Variants in MPPED1 observed in about 807,000 individuals in gnomAD.
MPPED1 encodes metallophosphoesterase domain containing 1.
MPPED1 carries 16 observed loss-of-function variants against 36.2 expected under a neutral mutation model. The ratio of observed to expected loss-of-function variants is 0.44; its 90% CI spans 0.30 to 0.67. MPPED1 has a LOEUF of 0.67. Among genes scored for constraint, MPPED1 ranks in the 30% least tolerant of loss-of-function variants. The pLI is 0.10. For synonymous variants in MPPED1, 199 were observed against 191.3 expected (o/e 1.04, Z -0.33); for missense variants, 307 against 453.4 (o/e 0.68, Z 2.93).
At position 43,412,562 on chromosome 22, in the gene MPPED1, G is replaced by GA. The variant is rs1465642386; in HGVS notation, c.-79+404_-79+405insA. Among the ~76,000 whole-genome samples the GA allele has an allele frequency of 2.0e-4, 31 of 152,308 alleles. No individual in the cohort carries two copies. In the Middle Eastern group the frequency reaches 0.014, roughly 67 times the overall value. The stretch of plus-strand genomic sequence containing the variant: ...TGTGTGCGCTGCCAAGCCCCTGCTG[G>GA]CACTTGGGGGGGAAGAGATAGGGAA... On this transcript the variant is annotated intron_variant, in intron 1 of 6. Coordinates refer to ENST00000443721, the MANE Select transcript of MPPED1 (RefSeq NM_001044370.2).
chr22:43,455,514 C>G (rs1291563079), intron 3 of MPPED1, among the ~76,000 whole-genome samples: 1 of 152,152 alleles, frequency 6.6e-6, no homozygotes, highest in Non-Finnish European at 1.5e-5. Flanking sequence ...TAAATGCCAT[C>G]CCATTCTGAG....
chr22:43,453,600 G>A (rs544018435), intron 3 of MPPED1, among the ~76,000 whole-genome samples: 7 of 152,198 alleles, frequency 4.6e-5, no homozygotes, highest in Admixed American at 2.6e-4. Context: ...CTTTCATCCC[G>A]AAACCCCGTT....
chr22:43,445,754 G>C (rs1438159014), intron 3 of MPPED1, among the ~76,000 whole-genome samples: 2 of 151,278 alleles, frequency 1.3e-5, no homozygotes, highest in Non-Finnish European at 2.9e-5. Flanking sequence ...TATTTTTTTA[G>C]AGATGGGGTT....
At chr22:43,425,296 G>A in intron 2 of MPPED1, 87 bp downstream of exon 2, 1 of 1,455,034 alleles carries the variant, frequency 6.9e-7, no homozygotes, top group Middle Eastern at 2.6e-4. Flanking sequence ...GGTTCTGGGG[G>A]CACTGTAACA....
In MPPED1 at chr22:43,502,511, G is replaced by T; in HGVS notation, c.749-133G>T. 1.5e-6 allele frequency: 1 copy of T among 669,966 alleles called. No individual in the cohort carries two copies. The allele number at this position is 669,966 out of a possible 1,614,324, so 41.5% of individuals were successfully genotyped here. ...GGGCAGGGTTCCGGAGAGCTTGCTA[G>T]GGGAGAGTGGTGCAAAGCCGGAGTC... On this transcript the variant is annotated intron_variant, in intron 5 of 6. Coordinates refer to ENST00000443721, the MANE Select transcript of MPPED1 (RefSeq NM_001044370.2). This position sits in a 1 kb window ranked among gnomAD's most constrained non-coding sequence, Gnocchi z 5.5.
At chr22:43,461,056 A>C (rs1311446003) in intron 3 of MPPED1, among the ~76,000 whole-genome samples, 1 of 152,172 alleles carries the variant, frequency 6.6e-6, no homozygotes, top group Non-Finnish European at 1.5e-5. Flanking sequence ...GCAAGCTCTG[A>C]GTCAGGTCAA....
At chr22:43,472,770 T>G (rs1222775754) in intron 3 of MPPED1, among the ~76,000 whole-genome samples, 1 of 148,000 alleles carries the variant, frequency 6.8e-6, no homozygotes, top group East Asian at 1.9e-4. Flanking sequence ...CCTGGCCATT[T>G]GCCGTGGCCA....
chr22:43,452,022 C>CTT lies in MPPED1; in HGVS notation c.406+16819_406+16820dup, dbSNP rs543788616. On this transcript the variant is annotated intron_variant, in intron 3 of 6. Coordinates refer to ENST00000443721, the MANE Select transcript of MPPED1 (RefSeq NM_001044370.2). ...TCCCTATATTTTTCTTTTTTTCTTT[C>CTT]TTTTTTTTTTTTTGAAATGGAGTCT... 2.8e-3 allele frequency among the ~76,000 whole-genome samples: 404 copies of CTT among 144,618 alleles called. 4 individuals carry two copies. The highest frequency in any genetic ancestry group is 0.016 in the Admixed American group (239 of 14,506). 94.9% of individuals were successfully genotyped at this position (144,618 alleles called of 152,430 possible).
chr22:43,485,185 C>A (rs1390338507), intron 4 of MPPED1, among the ~76,000 whole-genome samples: 1 of 152,062 alleles, frequency 6.6e-6, no homozygotes, highest in Non-Finnish European at 1.5e-5. Context: ...AATTCACACG[C>A]ACACATACCT....
At chr22:43,417,272 A>G (rs1317852558) in intron 1 of MPPED1, among the ~76,000 whole-genome samples, 1 of 152,184 alleles carries the variant, frequency 6.6e-6, no homozygotes, top group Non-Finnish European at 1.5e-5. Flanking sequence ...TCATCAGCTT[A>G]TTCAGCTTAG....
chr22:43,442,292 C>G (rs921426860), intron 3 of MPPED1, among the ~76,000 whole-genome samples: 2 of 151,984 alleles, frequency 1.3e-5, no homozygotes, highest in African/African-American at 2.4e-5. Flanking sequence ...CTCCCTTCTT[C>G]CCACCTCCCC....
chr22:43,420,075 T>C (rs751878050), intron 1 of MPPED1, among the ~76,000 whole-genome samples: 2 of 152,198 alleles, frequency 1.3e-5, no homozygotes, highest in Non-Finnish European at 2.9e-5. Context: ...TGGGCCTTTA[T>C]GGGCAGGTAC....
chr22:43,417,734 C>G (rs374590567), intron 1 of MPPED1: 1 of 239,718 alleles, frequency 4.2e-6, no homozygotes, highest in Non-Finnish European at 8.4e-6. Context: ...TAAGCACTGC[C>G]TTTGCTGAGC....
rs1029943875 is a variant in MPPED1, at chr22:43,412,050, C to T, written c.-187C>T. 2 of 978,746 alleles carry T rather than the reference C, an allele frequency of 2.0e-6. No homozygotes were observed. 60.6% of individuals were successfully genotyped at this position (978,746 alleles called of 1,614,324 possible). On this transcript the variant is annotated 5_prime_UTR_variant, in exon 1 of 7. Transcript: ENST00000443721. ...CGGACGCGCGGCGAGGCGGCCGCCGCCGGAGGAGCCCCCGCCCCTGCGCGC... is the reference window on the plus strand; with the variant it reads ...CGGACGCGCGGCGAGGCGGCCGCCGTCGGAGGAGCCCCCGCCCCTGCGCGC...
At chr22:43,447,883 A>ATATATATATATATATATATATTTT (rs1321289636) in intron 3 of MPPED1, among the ~76,000 whole-genome samples, 15 of 67,706 alleles carry the variant, frequency 2.2e-4, no homozygotes, top group Non-Finnish European at 2.9e-4. Flanking sequence ...ATATATATAT[A>ATATATATATATATATATATATTTT]TTTTTTTTTT....
rs557462398 is a variant in MPPED1 at position 43,415,684 on chromosome 22, T to A, written c.-79+3526T>A. ...AAATAGAAGCAGCTGCGGGAAAAAA[T>A]AAATAAATAAAATTCTCCCTTCTGG... On this transcript the variant is annotated intron_variant, in intron 1 of 6. Transcript: ENST00000443721. 1.1e-4 allele frequency among the ~76,000 whole-genome samples: 17 copies of A among 151,964 alleles called. No homozygotes were observed. The East Asian group carries it at 2.9e-3, about 26-fold the overall frequency.
chr22:43,438,887 C>T (rs1005057867), intron 3 of MPPED1, among the ~76,000 whole-genome samples: 1 of 152,140 alleles, frequency 6.6e-6, no homozygotes, highest in African/African-American at 2.4e-5. Flanking sequence ...TCACCTTGCC[C>T]ACCTCGCCCA....
At chr22:43,494,658 G>A (rs1932198874) in intron 4 of MPPED1, among the ~76,000 whole-genome samples, 2 of 143,754 alleles carry the variant, frequency 1.4e-5, no homozygotes, top group Admixed American at 1.4e-4. Flanking sequence ...CTGGGGGTTG[G>A]CAACATGTCT....
intron 4 of MPPED1, 58 bp downstream of exon 4, chr22:43,475,019 G>T (rs924884287): frequency 2.0e-5 from 30 of 1,521,846 alleles, no homozygotes; most frequent in Non-Finnish European, 2.5e-5. Flanking sequence ...GAGGCTGAGC[G>T]CAGGGGGTGT....
Sources: allele counts gnomAD v4.1 joint callset (sites outside exome capture counted in the v4.1 genomes callset), GRCh38; gene constraint gnomAD v4.1.1; non-coding constraint Gnocchi (gnomAD v3.1); transcripts MANE v1.5; gene names NCBI Gene and HGNC (gene_info 2026-07-23, HGNC 2026-07-21).